NOTCH2: variants seen among roughly 807,000 people sequenced by gnomAD.
The protein encoded by NOTCH2 is notch receptor 2.
In NOTCH2, 29 loss-of-function variants were observed where a neutral mutation model predicts 235.8. The observed-to-expected ratio is 0.12, with a 90% CI of 0.09 to 0.17. The LOEUF is 0.17. Ranked by LOEUF, NOTCH2 falls within the 10% of genes least tolerant of loss-of-function variation. The pLI is 1.00. For synonymous variants in NOTCH2, 1,086 were observed against 1,141.5 expected (o/e 0.95, Z 0.98); for missense variants, 2,285 against 3,150.2 (o/e 0.73, Z 6.57).
At chr1:120,033,764 A>G (rs1177926637) in intron 1 of NOTCH2, among the ~76,000 whole-genome samples, 5 of 152,064 alleles carry the variant, frequency 3.3e-5, no homozygotes, top group Admixed American at 6.5e-5. Flanking sequence ...GGTATTGTAC[A>G]TTTCAAAATT....
intron 26 of NOTCH2, 74 bp downstream of exon 26, chr1:119,923,563 T>A: frequency 7.8e-7 from 1 of 1,280,106 alleles, no homozygotes; most frequent in African/African-American, 1.5e-5. Flanking sequence ...ATAGGTTGAG[T>A]TATGACTTGT....
chr1:119,950,930 C>T (rs782727768), intron 14 of NOTCH2, 93 bp from the exon 15 acceptor site: 5 of 819,646 alleles, frequency 6.1e-6, no homozygotes, highest in Non-Finnish European at 1.1e-5. Context: ...AAACTGAACA[C>T]ATCAGAAATT....
chr1:119,975,332 T>A (rs1553200789), intron 5 of NOTCH2, among the ~76,000 whole-genome samples: 1 of 152,164 alleles, frequency 6.6e-6, no homozygotes, highest in Non-Finnish European at 1.5e-5. Flanking sequence ...ATCCTCTGGC[T>A]TCAGGCTGAA....
intron 10 of NOTCH2, among the ~76,000 whole-genome samples, chr1:119,964,415 T>G (rs1273337525): frequency 6.6e-6 from 1 of 151,832 alleles, no homozygotes; most frequent in African/African-American, 2.4e-5. Context: ...ACTCCAGGAG[T>G]CCTCCCCCCA....
chr1:119,972,766 A>G (rs1276990336), intron 5 of NOTCH2, among the ~76,000 whole-genome samples: 2 of 152,236 alleles, frequency 1.3e-5, no homozygotes, highest in African/African-American at 4.8e-5. Context: ...TTTGTAAGCC[A>G]GTGAGTGAAG....
chr1:119,919,672 G>T, intron 30 of NOTCH2, 59 bp from the exon 31 acceptor site: 1 of 1,515,222 alleles, frequency 6.6e-7, no homozygotes, highest in Non-Finnish European at 9.1e-7. Flanking sequence ...TAACCCTATG[G>T]TTGAAACAGC....
rs2101140958 is a variant in NOTCH2, at chr1:119,915,307, C to T, written c.7415G>A (p.Ter2472=). 1 of 1,612,944 alleles carries T rather than the reference C, an allele frequency of 6.2e-7. No homozygotes were observed. The highest frequency in any genetic ancestry group is 8.5e-7 in the Non-Finnish European group (1 of 1,180,022). ...TCTCTACACTGGAGGTGGACTCTCTCACGCATAAACCTGCATGTTGTTGTG... is the reference window on the plus strand; with the variant it reads ...TCTCTACACTGGAGGTGGACTCTCTTACGCATAAACCTGCATGTTGTTGTG... ...PPHNNMQVYA[*] Residue 2472 remains the stop codon, a stop_retained_variant, in exon 34 of 34, where the codon TGA becomes TAA. Transcript: ENST00000256646.
intron 15 of NOTCH2, chr1:119,950,323 T>G (rs1343965659): frequency 5.5e-6 from 2 of 364,320 alleles, no homozygotes; most frequent in Non-Finnish European, 1.1e-5. Flanking sequence ...GAGGAATACA[T>G]TAAATAATCC....
chr1:119,934,813 C>CA (rs1649788902), intron 22 of NOTCH2, among the ~76,000 whole-genome samples: 1 of 152,182 alleles, frequency 6.6e-6, no homozygotes, highest in Admixed American at 6.5e-5. Flanking sequence ...TCCCTTCTAA[C>CA]AAACAATACT....
intron 31 of NOTCH2, 134 bp downstream of exon 31, chr1:119,919,178 A>T (rs1247081321): frequency 2.0e-6 from 2 of 1,000,246 alleles, no homozygotes; most frequent in Non-Finnish European, 1.5e-6. Context: ...CCATCTACCA[A>T]GCATGACTCT....
At chr1:119,927,316 G>T (rs1649509110) in intron 23 of NOTCH2, among the ~76,000 whole-genome samples, 1 of 152,044 alleles carries the variant, frequency 6.6e-6, no homozygotes, top group African/African-American at 2.4e-5. Context: ...GGAAAGAAGA[G>T]GTAGCTTTAA....
intron 25 of NOTCH2, among the ~76,000 whole-genome samples, chr1:119,924,776 C>T (rs868289586): frequency 2.0e-5 from 3 of 152,268 alleles, no homozygotes; most frequent in Middle Eastern, 6.8e-3. Context: ...ACCTATGCCT[C>T]GTGAGTTGCT....
chr1:119,953,711 A>G, intron 13 of NOTCH2, 23 bp from the exon 14 acceptor site: 1 of 1,610,368 alleles, frequency 6.2e-7, no homozygotes, highest in Non-Finnish European at 8.5e-7. Flanking sequence ...AAAACTTTTT[A>G]CTATAGGAGG....
intron 3 of NOTCH2, among the ~76,000 whole-genome samples, chr1:120,004,819 C>T (rs1652897034): frequency 1.3e-5 from 2 of 152,324 alleles, no homozygotes; most frequent in South Asian, 4.1e-4. Flanking sequence ...GTCACCCAGG[C>T]TAGAATGCAG....
At chr1:119,974,594 T>C (rs1309625931) in intron 5 of NOTCH2, among the ~76,000 whole-genome samples, 2 of 152,218 alleles carry the variant, frequency 1.3e-5, no homozygotes, top group African/African-American at 2.4e-5. Context: ...CTCTCCTTTG[T>C]ACAGTTTATA....
chr1:119,916,023 T>C lies in NOTCH2; in HGVS notation c.6699A>G (p.Pro2233=), dbSNP rs780347544. 9 of 1,613,650 alleles carry C rather than the reference T, an allele frequency of 5.6e-6. No individual in the cohort carries two copies. In the Admixed American group the frequency reaches 1.5e-4, roughly 27 times the overall value. ...TCAAGCTTCCAGCACTGCCACTGCC[T>C]GGAGACACAATGTGGTGGTGGGATA... ...QLLSHHHIVS[P]GSGSAGSLSR... is the part of the protein sequence containing the mutation. Residue 2233 remains proline (P), a synonymous_variant, in exon 34 of 34, where the codon CCA becomes CCG. Transcript: ENST00000256646.
chr1:120,008,886 G>T (rs587729944), intron 2 of NOTCH2, among the ~76,000 whole-genome samples: 18 of 152,204 alleles, frequency 1.2e-4, no homozygotes, highest in African/African-American at 3.9e-4. Flanking sequence ...AAATTACTAA[G>T]TAAAAGATGC....
intron 3 of NOTCH2, among the ~76,000 whole-genome samples, chr1:119,999,953 A>AAG (rs1482254644): frequency 1.5e-5 from 2 of 131,736 alleles, no homozygotes; most frequent in Non-Finnish European, 3.1e-5. Context: ...GAAAGAAAGA[A>AAG]AGAAAGAAAG....
chr1:119,928,903 C>A (rs1553194769), intron 23 of NOTCH2, 73 bp downstream of exon 23: 2 of 1,301,030 alleles, frequency 1.5e-6, no homozygotes, highest in Non-Finnish European at 2.2e-6. Context: ...TCTGGGACAA[C>A]TCACAGGGCC....
Sources: gnomAD v4.1 joint callset for allele counts (sites outside exome capture counted in the v4.1 genomes callset) on GRCh38, gnomAD v4.1.1 for gene constraint, MANE v1.5 for transcripts, NCBI Gene and HGNC (gene_info 2026-07-23, HGNC 2026-07-21) for gene names.